The following SETD3 variants were observed in gnomAD, a reference collection of about 807,000 sequenced individuals.
SETD3 encodes SET domain containing 3, actin N3(tau)-histidine methyltransferase, also known as actin-histidine N-methyltransferase.
A neutral mutation model predicts 63.0 loss-of-function variants in SETD3; 19 were observed. The observed-to-expected ratio is 0.30, with a 90% confidence interval of 0.21 to 0.44. The LOEUF (loss-of-function observed/expected upper bound fraction) is 0.44, where lower values mean the gene tolerates loss of function less well. SETD3 is among the 20% of genes least tolerant of loss of function. SETD3 has a pLI of 1.00. For missense variants in SETD3, 587 were observed against 728.5 expected (o/e 0.81, Z 2.24); for synonymous variants, 286 against 264.1 (o/e 1.08, Z -0.80).
At position 99,463,597 on chromosome 14, in the gene SETD3, G is replaced by T. The variant is rs1365195523; in HGVS notation, c.104-19C>A. The T allele has an allele frequency of 1.9e-6, 3 of 1,592,986 alleles. No individual in the cohort carries two copies. The highest frequency in any genetic ancestry group is 1.7e-6 in the Non-Finnish European group (2 of 1,161,944). On this transcript the variant is annotated intron_variant, in intron 2 of 12. Transcript: ENST00000331768. ...CTGCATTCTGTAACATAAGAGGCAT[G>T]GTACTGAAACACTTCTCTCTTTCAA...
intron 6 of SETD3, among the ~76,000 whole-genome samples, chr14:99,451,939 CAAG>C (rs778203310): frequency 6.6e-5 from 10 of 152,202 alleles, no homozygotes; most frequent in South Asian, 2.1e-4. Flanking sequence ...AAGAAGATGT[CAAG>C]AAGAAGATAT....
At chr14:99,464,041 G>A (rs1027311944) in intron 2 of SETD3, among the ~76,000 whole-genome samples, 4 of 152,208 alleles carry the variant, frequency 2.6e-5, no homozygotes, top group African/African-American at 9.6e-5. Flanking sequence ...AAGGGAACCA[G>A]TTAAATTGGA....
chr14:99,402,764 G>A (rs1891452923), intron 11 of SETD3, among the ~76,000 whole-genome samples: 1 of 152,206 alleles, frequency 6.6e-6, no homozygotes, highest in South Asian at 2.1e-4. Context: ...CTTTGAAGTG[G>A]AATCTACATC....
intron 6 of SETD3, among the ~76,000 whole-genome samples, chr14:99,439,964 A>AT (rs936934938): frequency 3.7e-4 from 54 of 144,500 alleles, no homozygotes; most frequent in East Asian, 1.6e-3. Flanking sequence ...ATCTTTCTGT[A>AT]TTTTTTTTTT....
rs757822948 is a variant in SETD3, at chr14:99,463,458, A to T, written c.196+28T>A. 1.9e-6 allele frequency: 3 copies of T among 1,567,798 alleles called. No individual in the cohort carries two copies. The Admixed American group carries it at 5.1e-5, about 27-fold the overall frequency. ...TCAAGTTTCTACATGACATTATTAAAATACAGTTATCATTCTAGCAATTTT... is the reference window on the plus strand; with the variant it reads ...TCAAGTTTCTACATGACATTATTAATATACAGTTATCATTCTAGCAATTTT... On this transcript the variant is annotated intron_variant, in intron 3 of 12. Transcript: ENST00000331768.
At chr14:99,435,859 T>G (rs1893452005) in intron 6 of SETD3, among the ~76,000 whole-genome samples, 1 of 151,890 alleles carries the variant, frequency 6.6e-6, no homozygotes, top group Non-Finnish European at 1.5e-5. Flanking sequence ...GGCTCCAATG[T>G]CTGGTCATCG....
chr14:99,479,590 G>C (rs1161871784), intron 1 of SETD3, among the ~76,000 whole-genome samples: 1 of 152,138 alleles, frequency 6.6e-6, no homozygotes, highest in Non-Finnish European at 1.5e-5. Context: ...ATTTCAAGAA[G>C]AAAAACGGGA....
chr14:99,407,591 G>C (rs759365975), intron 8 of SETD3, among the ~76,000 whole-genome samples: 1 of 152,078 alleles, frequency 6.6e-6, no homozygotes, highest in Non-Finnish European at 1.5e-5. Context: ...TCCTGAGCAC[G>C]GCCGAATAAG....
At chr14:99,462,990 G>A (rs1001985011) in intron 3 of SETD3, among the ~76,000 whole-genome samples, 1 of 152,122 alleles carries the variant, frequency 6.6e-6, no homozygotes, top group Middle Eastern at 3.2e-3. Flanking sequence ...TTAGCCCCAC[G>A]CCAGCCTGGA....
chr14:99,448,376 C>T (rs763601179), intron 6 of SETD3, among the ~76,000 whole-genome samples: 4 of 152,174 alleles, frequency 2.6e-5, no homozygotes, highest in Admixed American at 6.5e-5. Context: ...CCCCTTCTCA[C>T]GCAGTGTCTT....
At chr14:99,408,762 C>A (rs1019877265) in intron 8 of SETD3, among the ~76,000 whole-genome samples, 1 of 152,204 alleles carries the variant, frequency 6.6e-6, no homozygotes, top group Non-Finnish European at 1.5e-5. Flanking sequence ...TGTCTAACTT[C>A]TTTGTGTGGC....
chr14:99,413,619 A>C (rs1273118288), intron 7 of SETD3, among the ~76,000 whole-genome samples: 1 of 152,228 alleles, frequency 6.6e-6, no homozygotes. Context: ...ACCCAACACT[A>C]ATGTTAATCT....
At chr14:99,467,436 A>C (rs2139799907) in intron 1 of SETD3, among the ~76,000 whole-genome samples, 1 of 152,364 alleles carries the variant, frequency 6.6e-6, no homozygotes. Flanking sequence ...GCCAAGAGCA[A>C]GGGCACAGCC....
intron 8 of SETD3, chr14:99,410,260 C>A: frequency 1.3e-5 from 21 of 1,612,800 alleles, no homozygotes; most frequent in Non-Finnish European, 1.8e-5. Context: ...CCTGTGTGCA[C>A]GGAGGGTGTG....
chr14:99,482,320 G>A (rs549209946), upstream of SETD3, among the ~76,000 whole-genome samples: 2 of 152,236 alleles, frequency 1.3e-5, no homozygotes, highest in Non-Finnish European at 2.9e-5. Flanking sequence ...ATGCCTTGCA[G>A]TTGTAGGTGC....
chr14:99,456,447 T>C (rs1441841984), intron 6 of SETD3, among the ~76,000 whole-genome samples: 2 of 152,240 alleles, frequency 1.3e-5, no homozygotes, highest in Non-Finnish European at 2.9e-5. Flanking sequence ...TCTAAGAATG[T>C]TGTTTTTAAA....
chr14:99,414,957 T>C (rs1044145766), intron 6 of SETD3, among the ~76,000 whole-genome samples: 2 of 152,242 alleles, frequency 1.3e-5, no homozygotes, highest in Non-Finnish European at 2.9e-5. Context: ...CATCGCTCAC[T>C]GTAATGTACT....
intron 1 of SETD3, among the ~76,000 whole-genome samples, chr14:99,466,443 G>A (rs533295872): frequency 6.6e-6 from 1 of 152,318 alleles, no homozygotes; most frequent in African/African-American, 2.4e-5. Context: ...CCACACACGG[G>A]TCCTCTGCGG....
At chr14:99,441,721 G>A (rs1291133354) in intron 6 of SETD3, among the ~76,000 whole-genome samples, 6 of 152,204 alleles carry the variant, frequency 3.9e-5, no homozygotes, top group Non-Finnish European at 1.5e-5. Context: ...CTGCAGTGAG[G>A]GAGGAAGCAG....
Sources: allele counts gnomAD v4.1 joint callset (sites outside exome capture counted in the v4.1 genomes callset), GRCh38; gene constraint gnomAD v4.1.1; transcripts MANE v1.5; gene names NCBI Gene and HGNC (gene_info 2026-07-23, HGNC 2026-07-21).